The following PTPRT variants were observed in gnomAD, a reference collection of about 807,000 sequenced individuals.
PTPRT encodes protein tyrosine phosphatase receptor type T.
In PTPRT, 56 loss-of-function variants were observed where a neutral mutation model predicts 176.8. The observed-to-expected ratio is 0.32, with a 90% CI of 0.26 to 0.40. The LOEUF (loss-of-function observed/expected upper bound fraction) is 0.40, where lower values mean the gene tolerates loss of function less well. Ranked by LOEUF, PTPRT falls within the 10% of genes least tolerant of loss-of-function variation. PTPRT has a pLI of 1.00. For missense variants in PTPRT, 1,540 were observed against 1,908.2 expected (o/e 0.81, Z 3.60); for synonymous variants, 783 against 739.0 (o/e 1.06, Z -0.96).
chr20:42,809,586 T>G (rs1299412103), intron 2 of PTPRT, among the ~76,000 whole-genome samples: 4 of 152,168 alleles, frequency 2.6e-5, no homozygotes, highest in African/African-American at 9.7e-5. Flanking sequence ...AGGCCAGAAG[T>G]CTGAAATCAA....
chr20:42,108,686 T>G (rs1316065973), intron 23 of PTPRT, among the ~76,000 whole-genome samples: 1 of 152,144 alleles, frequency 6.6e-6, no homozygotes, highest in Non-Finnish European at 1.5e-5. Context: ...CCTGAAGGAT[T>G]AATAAATAAT....
chr20:42,285,433 C>A (rs191381756), intron 12 of PTPRT, among the ~76,000 whole-genome samples: 29 of 152,072 alleles, frequency 1.9e-4, no homozygotes, highest in African/African-American at 6.5e-4. Context: ...TTTGATGAGG[C>A]TAATACTGCT....
chr20:42,764,108 A>G (rs1374696734), intron 5 of PTPRT, among the ~76,000 whole-genome samples: 1 of 152,190 alleles, frequency 6.6e-6, no homozygotes, highest in Non-Finnish European at 1.5e-5. Context: ...ATTGATAGAC[A>G]GTTTCAAGTG....
chr20:42,683,466 C>T (rs761958684), intron 6 of PTPRT, among the ~76,000 whole-genome samples: 27 of 152,048 alleles, frequency 1.8e-4, no homozygotes, highest in African/African-American at 3.4e-4. Flanking sequence ...TTAGTAGAGA[C>T]GTGGTTTCTC....
intron 7 of PTPRT, among the ~76,000 whole-genome samples, chr20:42,677,366 C>T (rs953069020): frequency 8.6e-5 from 13 of 151,834 alleles, no homozygotes; most frequent in East Asian, 5.9e-4. Context: ...GAAGCGTTCA[C>T]GGGGCACAGT....
chr20:42,474,789 A>G (rs1484458414), intron 7 of PTPRT, among the ~76,000 whole-genome samples: 1 of 152,134 alleles, frequency 6.6e-6, no homozygotes, highest in Non-Finnish European at 1.5e-5. Flanking sequence ...CATCCCCATC[A>G]GCGTTGCCTA....
rs1983202194 is a variant in PTPRT, at chr20:42,080,397, G to A, written c.*482C>T. ...CAAATGTCTGGTGCCAGAGGCCCCT[G>A]AAGGAGGTTGCAGGGGGCAGCAGAG... is the stretch of plus-strand genomic sequence containing the variant. On this transcript the variant is annotated 3_prime_UTR_variant, in exon 31 of 31. Transcript: ENST00000373187. 2 of 234,032 alleles carry A rather than the reference G, an allele frequency of 8.5e-6. No individual in the cohort carries two copies. Among genetic ancestry groups the A allele is most frequent in the Non-Finnish European group, 1.7e-5 (2 of 118,808 alleles). 14.5% of individuals were successfully genotyped at this position (234,032 alleles called of 1,614,324 possible). A position where few individuals can be genotyped will look rare whatever the true frequency, so the allele number is the denominator to read the frequency against.
chr20:42,816,155 T>C (rs1345225612), intron 2 of PTPRT, among the ~76,000 whole-genome samples: 1 of 152,128 alleles, frequency 6.6e-6, no homozygotes, highest in Non-Finnish European at 1.5e-5. Flanking sequence ...ATTGGAACAG[T>C]AGGACAGGTG....
intron 16 of PTPRT, among the ~76,000 whole-genome samples, chr20:42,163,539 G>A (rs1026615029): frequency 1.3e-5 from 2 of 152,106 alleles, no homozygotes; most frequent in Admixed American, 1.3e-4. Flanking sequence ...TCATGAGTTC[G>A]ACTTACTGAG....
chr20:42,295,837 A>G (rs1052175756), intron 12 of PTPRT, among the ~76,000 whole-genome samples: 1 of 152,174 alleles, frequency 6.6e-6, no homozygotes, highest in African/African-American at 2.4e-5. Context: ...TATTCTTGTC[A>G]TAGTGAGTTT....
At chr20:42,893,571 T>C (rs997162580) in intron 1 of PTPRT, among the ~76,000 whole-genome samples, 1 of 152,010 alleles carries the variant, frequency 6.6e-6, no homozygotes, top group African/African-American at 2.4e-5. Flanking sequence ...CGTATGTTTA[T>C]TGCAGCACTA....
intron 17 of PTPRT, among the ~76,000 whole-genome samples, chr20:42,147,108 T>C (rs1235532445): frequency 6.6e-6 from 1 of 152,240 alleles, no homozygotes; most frequent in Non-Finnish European, 1.5e-5. Flanking sequence ...AACTTGGTCA[T>C]AGGCTTCTTC....
intron 1 of PTPRT, among the ~76,000 whole-genome samples, chr20:43,038,373 T>C (rs1986469316): frequency 6.6e-6 from 1 of 152,212 alleles, no homozygotes; most frequent in Admixed American, 6.5e-5. Context: ...AATTTAGTCA[T>C]ACAATTTGTA....
rs189657704 is a variant in PTPRT, at chr20:42,513,275, C to T, written c.1154-40713G>A. Among the ~76,000 whole-genome samples, 967 of 151,644 alleles carry T rather than the reference C, an allele frequency of 6.4e-3. 2 individuals carry two copies. Among genetic ancestry groups the T allele is most frequent in the Non-Finnish European group, 8.5e-3 (578 of 67,878 alleles). On this transcript the variant is annotated intron_variant, in intron 7 of 30. Coordinates refer to ENST00000373187, the MANE Select transcript of PTPRT (RefSeq NM_007050.6). ...CAAAATCACTGGGCCAATTACCCCCCTAGCTTCCTTGAAGAAGCCATTGTT... is the reference window on the plus strand; with the variant it reads ...CAAAATCACTGGGCCAATTACCCCCTTAGCTTCCTTGAAGAAGCCATTGTT...
intron 1 of PTPRT, among the ~76,000 whole-genome samples, chr20:43,049,197 A>T (rs566392798): frequency 1.1e-4 from 17 of 152,320 alleles, no homozygotes; most frequent in Admixed American, 9.8e-4. Flanking sequence ...GGAGATTAAC[A>T]TTCAAATTCA....
chr20:42,276,533 A>ATATATATG (rs2057037510), intron 13 of PTPRT, among the ~76,000 whole-genome samples: 1 of 44,922 alleles, frequency 2.2e-5, no homozygotes, highest in Admixed American at 2.0e-4. Flanking sequence ...ATATATATAT[A>ATATATATG]TATATATATA....
intron 1 of PTPRT, among the ~76,000 whole-genome samples, chr20:42,896,408 G>A (rs182436797): frequency 3.9e-5 from 6 of 152,220 alleles, no homozygotes; most frequent in African/African-American, 7.2e-5. Flanking sequence ...AGGCCTAGGC[G>A]GGTGGATCTC....
chr20:42,787,926 C>A (rs1361704581), intron 3 of PTPRT, among the ~76,000 whole-genome samples: 3 of 151,940 alleles, frequency 2.0e-5, no homozygotes, highest in Admixed American at 2.0e-4. Flanking sequence ...AGAAGATATG[C>A]CAATATATTA....
intron 6 of PTPRT, among the ~76,000 whole-genome samples, chr20:42,747,785 A>G (rs186022516): frequency 6.6e-6 from 1 of 152,234 alleles, no homozygotes; most frequent in South Asian, 2.1e-4. Context: ...GGCATTACAA[A>G]TCAAGGACTA....
Sources: allele counts gnomAD v4.1 joint callset (sites outside exome capture counted in the v4.1 genomes callset), GRCh38; gene constraint gnomAD v4.1.1; transcripts MANE v1.5; gene names NCBI Gene and HGNC (gene_info 2026-07-23, HGNC 2026-07-21).